The following MAMDC2 variants were observed in gnomAD, a reference collection of about 807,000 sequenced individuals.
MAMDC2 encodes the protein MAM domain-containing protein 2.
MAMDC2 carries 57 observed loss-of-function variants against 89.8 expected under a neutral mutation model. That is an observed-to-expected ratio of 0.63 (90% CI 0.51 to 0.79). The LOEUF is 0.79. MAMDC2 is among the 30% of genes least tolerant of loss of function. The pLI, the probability that MAMDC2 is intolerant of heterozygous loss-of-function variation, is 0.00. For synonymous variants in MAMDC2, 313 were observed against 293.4 expected, an observed-to-expected ratio of 1.07 and a Z score of -0.68; for missense variants, 800 against 820.6, an observed-to-expected ratio of 0.97 and a Z score of 0.31.
intron 7 of MAMDC2, among the ~76,000 whole-genome samples, chr9:70,139,348 A>G (rs2031118976): frequency 7.7e-6 from 1 of 129,806 alleles, no homozygotes; most frequent in Non-Finnish European, 1.6e-5. Context: ...TTCAATTCCC[A>G]CCTATGAGTG....
chr9:70,192,229 A>G (rs1035025699), intron 11 of MAMDC2, among the ~76,000 whole-genome samples: 2 of 152,176 alleles, frequency 1.3e-5, no homozygotes, highest in African/African-American at 4.8e-5. Flanking sequence ...TCTTTAAAAA[A>G]AATGGTCTTT....
chr9:70,202,262 C>G (rs1040820050), intron 11 of MAMDC2, among the ~76,000 whole-genome samples: 2 of 151,028 alleles, frequency 1.3e-5, no homozygotes, highest in Middle Eastern at 3.4e-3. Flanking sequence ...TGTCTTTGTT[C>G]TCGTTGGTTT....
At chr9:70,152,358 A>C (rs1351347384) in intron 9 of MAMDC2, among the ~76,000 whole-genome samples, 2 of 152,222 alleles carry the variant, frequency 1.3e-5, no homozygotes, top group East Asian at 3.9e-4. Context: ...AGCCTCCAAC[A>C]ACAGAGGCTA....
At chr9:70,081,483 A>G (rs1827653185) in intron 2 of MAMDC2, 1 of 152,118 alleles carries the variant, frequency 6.6e-6, no homozygotes, top group Non-Finnish European at 1.5e-5. Context: ...TCCATGCACC[A>G]AAGCATATTC....
intron 11 of MAMDC2, among the ~76,000 whole-genome samples, chr9:70,209,056 C>T (rs967744343): frequency 6.6e-5 from 10 of 152,252 alleles, no homozygotes; most frequent in Admixed American, 1.3e-4. Flanking sequence ...AGGATTTTTG[C>T]GTCGATGTTC....
intron 11 of MAMDC2, among the ~76,000 whole-genome samples, chr9:70,181,661 A>G (rs150755817): frequency 1.1e-3 from 160 of 151,886 alleles, no homozygotes; most frequent in African/African-American, 3.7e-3. Flanking sequence ...CTGCTTGTCT[A>G]TTATTGGTGT....
chr9:70,076,520 TC>T (rs1827537689), intron 2 of MAMDC2, among the ~76,000 whole-genome samples: 1 of 152,168 alleles, frequency 6.6e-6, no homozygotes, highest in East Asian at 1.9e-4. Flanking sequence ...TCTTATTCCA[TC>T]CCTTTAGAGA....
chr9:70,062,998 G>T (rs1045324591), intron 2 of MAMDC2: 1 of 152,336 alleles, frequency 6.6e-6, no homozygotes, highest in Non-Finnish European at 1.5e-5. Context: ...ATGACTAGGC[G>T]TAATTCTAGC....
At chr9:70,172,038 GTAA>G (rs2032366716) in intron 11 of MAMDC2, 1 of 152,178 alleles carries the variant, frequency 6.6e-6, no homozygotes, top group African/African-American at 2.4e-5. Context: ...ATGGTAGAAT[GTAA>G]TAATGAACAG....
At chr9:70,199,611 C>T (rs1192708137) in intron 11 of MAMDC2, among the ~76,000 whole-genome samples, 1 of 68,932 alleles carries the variant, frequency 1.5e-5, no homozygotes, top group East Asian at 3.7e-4. Context: ...TTCTAGATCC[C>T]TGAGGAATCA....
intron 5 of MAMDC2, among the ~76,000 whole-genome samples, chr9:70,124,694 G>A (rs903074392): frequency 3.9e-5 from 6 of 152,068 alleles, no homozygotes; most frequent in Non-Finnish European, 5.9e-5. Context: ...ATGGAGAAAA[G>A]GTATTCTTTA....
At chr9:70,154,130 T>C (rs2031670506) in intron 9 of MAMDC2, 2 of 152,244 alleles carry the variant, frequency 1.3e-5, no homozygotes, top group South Asian at 2.1e-4. Context: ...TAATGCATTA[T>C]GTTGAAATTG....
chr9:70,106,096 A>T (rs1436368129), intron 2 of MAMDC2: 2 of 152,196 alleles, frequency 1.3e-5, no homozygotes, highest in Non-Finnish European at 2.9e-5. Context: ...CCCCAGCTCT[A>T]CTGGATTGGA....
chr9:70,163,522 T>C lies in MAMDC2; in HGVS notation c.1405-5180T>C, dbSNP rs549231662. Among the ~76,000 whole-genome samples the C allele has an allele frequency of 1.7e-4, 26 of 152,252 alleles. No individual in the cohort carries two copies. In the East Asian group the frequency reaches 4.9e-3, roughly 28 times the overall value. ...GATTATAGGCGTGAGCCACTGTGCC[T>C]GGCCCATATTTCATCGCTTGTTAGA... On this transcript the variant is annotated intron_variant, in intron 9 of 13. Coordinates refer to ENST00000377182, the MANE Select transcript of MAMDC2 (RefSeq NM_153267.5).
At chr9:70,171,447 C>T (rs1278570908) in intron 11 of MAMDC2, among the ~76,000 whole-genome samples, 1 of 151,962 alleles carries the variant, frequency 6.6e-6, no homozygotes, top group Non-Finnish European at 1.5e-5. Context: ...CTACAGTGAG[C>T]CATGTTCATG....
intron 9 of MAMDC2, among the ~76,000 whole-genome samples, chr9:70,145,589 CACAT>C: frequency 1.3e-4 from 3 of 22,814 alleles, no homozygotes; most frequent in African/African-American, 1.8e-4. Context: ...CACATGCACA[CACAT>C]ACAAGCAAAT....
intron 2 of MAMDC2, among the ~76,000 whole-genome samples, chr9:70,068,254 G>T (rs1827314103): frequency 6.6e-6 from 1 of 152,124 alleles, no homozygotes; most frequent in African/African-American, 2.4e-5. Context: ...CTTCTTAAAA[G>T]GCACGATAAT....
rs563385992 is a variant in MAMDC2 at position 70,067,401 on chromosome 9, G to A, written c.148+22704G>A. Among the ~76,000 whole-genome samples the A allele has an allele frequency of 3.3e-5, 5 of 152,212 alleles. No homozygotes were observed. The East Asian group carries it at 9.7e-4, about 29-fold the overall frequency. On this transcript the variant is annotated intron_variant, in intron 2 of 13. Transcript: ENST00000377182. ...CTCATCTGTGGCATAGATATTGTCA[G>A]GATACTCTTTTCTGCTTGCTCAGAT...
intron 11 of MAMDC2, among the ~76,000 whole-genome samples, chr9:70,180,680 C>T (rs2032626817): frequency 6.6e-6 from 1 of 152,134 alleles, no homozygotes; most frequent in South Asian, 2.1e-4. Context: ...AGTGTCTGTT[C>T]ATATCCTTCG....
Sources: gnomAD v4.1 joint callset for allele counts (sites outside exome capture counted in the v4.1 genomes callset) on GRCh38, gnomAD v4.1.1 for gene constraint, MANE v1.5 for transcripts, NCBI Gene and HGNC (gene_info 2026-07-23, HGNC 2026-07-21) for gene names.